VWA8: variants seen among roughly 807,000 people sequenced by gnomAD.
The protein encoded by VWA8 is von Willebrand factor A domain-containing protein 8.
Under a neutral mutation model 241.5 loss-of-function variants are expected in VWA8, and 221 were observed. That is an observed-to-expected ratio of 0.91 (90% CI 0.82 to 1.02). VWA8 has a LOEUF of 1.02. VWA8 is among the 50% of genes least tolerant of loss of function. The probability of loss-of-function intolerance (pLI) is 0.00; values close to 1 mark genes in which losing one functional copy is unlikely to be tolerated. For synonymous variants in VWA8, 852 were observed against 827.1 expected, an observed-to-expected ratio of 1.03 and a Z score of -0.52; for missense variants, 2,322 against 2,328.7, an observed-to-expected ratio of 1.00 and a Z score of 0.06.
intron 2 of VWA8, among the ~76,000 whole-genome samples, chr13:41,914,650 A>G (rs1876168785): frequency 6.6e-6 from 1 of 152,184 alleles, no homozygotes; most frequent in African/African-American, 2.4e-5. Context: ...ATATAATTAA[A>G]AACTTAAAAA....
intron 40 of VWA8, among the ~76,000 whole-genome samples, chr13:41,601,212 C>T (rs1314419105): frequency 1.3e-5 from 2 of 152,264 alleles, no homozygotes; most frequent in South Asian, 2.1e-4. Flanking sequence ...ACATTCTAAG[C>T]TTCCCTCTAC....
intron 37 of VWA8, among the ~76,000 whole-genome samples, chr13:41,654,864 A>C (rs192364452): frequency 6.6e-6 from 1 of 152,354 alleles, no homozygotes; most frequent in Admixed American, 6.5e-5. Flanking sequence ...AGTCAAGGAA[A>C]GATGAGGAAC....
intron 12 of VWA8, among the ~76,000 whole-genome samples, chr13:41,859,604 G>A (rs1872917428): frequency 6.6e-6 from 1 of 151,978 alleles, no homozygotes; most frequent in African/African-American, 2.4e-5. Flanking sequence ...TGGTTGTGAA[G>A]GAAAAGAATA....
intron 17 of VWA8, among the ~76,000 whole-genome samples, chr13:41,804,740 T>A (rs886694348): frequency 1.3e-5 from 2 of 152,090 alleles, no homozygotes; most frequent in Non-Finnish European, 2.9e-5. Context: ...CAATAAGATA[T>A]AAGCAGTAAC....
chr13:41,741,282 A>G (rs1447278335), intron 21 of VWA8, among the ~76,000 whole-genome samples: 1 of 152,174 alleles, frequency 6.6e-6, no homozygotes, highest in African/African-American at 2.4e-5. Flanking sequence ...AGATACTTCA[A>G]TCACATACGA....
chr13:41,590,589 AAAGAGGGCTAG>A lies in VWA8; in HGVS notation c.5112+40_5112+50del, dbSNP rs2044447834. The stretch of plus-strand genomic sequence containing the variant: ...ACAACTCACGAAAGCAAGTTTCTGT[AAAGAGGGCTAG>A]ACTATGCAGAGCTGAGGCTAGCAGT... On this transcript the variant is annotated intron_variant, in intron 41 of 44. Coordinates refer to ENST00000379310, the MANE Select transcript of VWA8 (RefSeq NM_015058.2). The A allele has an allele frequency of 2.0e-6, 3 of 1,520,070 alleles. No individual in the cohort carries two copies. The South Asian group carries it at 3.9e-5, about 20-fold the overall frequency. 94.2% of individuals were successfully genotyped at this position (1,520,070 alleles called of 1,614,324 possible).
At chr13:41,787,702 AT>A (rs1869269505) in intron 17 of VWA8, among the ~76,000 whole-genome samples, 159 bp from the exon 18 acceptor site, 1 of 152,130 alleles carries the variant, frequency 6.6e-6, no homozygotes, top group Non-Finnish European at 1.5e-5. Flanking sequence ...ATCAAACAAA[AT>A]TTTAGAATAA....
intron 26 of VWA8, among the ~76,000 whole-genome samples, chr13:41,704,011 T>G (rs2045267303): frequency 6.6e-6 from 1 of 152,076 alleles, no homozygotes; most frequent in African/African-American, 2.4e-5. Context: ...CTGCCCGCCT[T>G]GGCCTCCCAA....
At chr13:41,830,387 A>C (rs1396865852) in intron 14 of VWA8, 142 bp downstream of exon 14, 5 of 596,736 alleles carry the variant, frequency 8.4e-6, no homozygotes, top group African/African-American at 5.6e-5. Context: ...AAGAAATGCC[A>C]AAGTAGTGGC....
At chr13:41,625,528 T>C (rs2044684154) in intron 37 of VWA8, among the ~76,000 whole-genome samples, 2 of 152,054 alleles carry the variant, frequency 1.3e-5, no homozygotes, top group East Asian at 3.9e-4. Flanking sequence ...AAAACCACAA[T>C]GAGATACCAT....
chr13:41,609,388 T>C (rs2044573162), intron 39 of VWA8, among the ~76,000 whole-genome samples: 2 of 152,220 alleles, frequency 1.3e-5, no homozygotes, highest in Admixed American at 1.3e-4. Flanking sequence ...TGTGAGTTTG[T>C]ATTTTTTTGT....
chr13:41,881,676 C>G (rs1874203086), intron 9 of VWA8, among the ~76,000 whole-genome samples: 1 of 149,434 alleles, frequency 6.7e-6, no homozygotes, highest in African/African-American at 2.5e-5. Flanking sequence ...GTAGGGGCGG[C>G]CGGGCAGAGG....
chr13:41,689,047 T>C (rs906733594), intron 34 of VWA8, among the ~76,000 whole-genome samples: 2 of 152,010 alleles, frequency 1.3e-5, no homozygotes, highest in Non-Finnish European at 2.9e-5. Flanking sequence ...ATAGAAGACA[T>C]GACAGAAAAT....
chr13:41,707,939 T>C (rs186133084), intron 26 of VWA8, among the ~76,000 whole-genome samples: 3 of 152,190 alleles, frequency 2.0e-5, no homozygotes, highest in Non-Finnish European at 1.5e-5. Context: ...AATTTATACA[T>C]ACAAAACTCC....
At chr13:41,870,164 A>G (rs1342479918) in intron 9 of VWA8, among the ~76,000 whole-genome samples, 1 of 152,202 alleles carries the variant, frequency 6.6e-6, no homozygotes, top group East Asian at 1.9e-4. Context: ...TATATTTCAT[A>G]CAATTTATAT....
chr13:41,647,909 A>T lies in VWA8; in HGVS notation c.4611+23037T>A, dbSNP rs1293179362. 9.2e-5 allele frequency among the ~76,000 whole-genome samples: 14 copies of T among 152,294 alleles called. No homozygotes were observed. In the East Asian group the frequency reaches 2.5e-3, roughly 27 times the overall value. The stretch of plus-strand genomic sequence containing the variant: ...GAGGCTGAAGCAGGAGAATCGCCTA[A>T]ACCCGGGAGGCAGAGGTTGCAGTGA... On this transcript the variant is annotated intron_variant, in intron 37 of 44. Transcript: ENST00000379310.
In VWA8 at chr13:41,895,831, CTT is replaced by C. The variant is rs59080554; in HGVS notation, c.484-4246_484-4245del. ...TTCATTTGTTTTACTTGCAAATTTT[CTT>C]TTTTTTTTTTTTTTTTAGTTTTTCT... On this transcript the variant is annotated intron_variant, in intron 4 of 44. Coordinates refer to ENST00000379310, the MANE Select transcript of VWA8 (RefSeq NM_015058.2). Among the ~76,000 whole-genome samples, 15 of 130,002 alleles carry C rather than the reference CTT, an allele frequency of 1.2e-4. No individual in the cohort carries two copies. The South Asian group carries it at 1.5e-3, about 13-fold the overall frequency. The allele number at this position is 130,002 out of a possible 152,430, so 85.3% of individuals were successfully genotyped here.
chr13:41,585,019 G>A (rs2044407437), intron 42 of VWA8, among the ~76,000 whole-genome samples: 2 of 151,628 alleles, frequency 1.3e-5, no homozygotes, highest in Non-Finnish European at 2.9e-5. Context: ...TTGTAATTTC[G>A]CGGAATTTAA....
At chr13:41,657,522 G>A (rs938237261) in intron 37 of VWA8, among the ~76,000 whole-genome samples, 1 of 138,722 alleles carries the variant, frequency 7.2e-6, no homozygotes, top group African/African-American at 2.7e-5. Flanking sequence ...TCACTCTGTC[G>A]CCCAGGCCGG....
Sources: allele counts gnomAD v4.1 joint callset (sites outside exome capture counted in the v4.1 genomes callset), GRCh38; gene constraint gnomAD v4.1.1; transcripts MANE v1.5; gene names NCBI Gene and HGNC (gene_info 2026-07-23, HGNC 2026-07-21).